CD99L2: variants seen among roughly 807,000 people sequenced by gnomAD.
CD99L2 encodes CD99 antigen-like protein 2.
In CD99L2, 24 loss-of-function variants were observed where a neutral mutation model predicts 27.3. The observed-to-expected ratio is 0.88, with a 90% confidence interval of 0.64 to 1.24. The LOEUF (loss-of-function observed/expected upper bound fraction) is 1.24. Among genes scored for constraint, CD99L2 ranks in the 50% most tolerant of loss-of-function variants. The probability of loss-of-function intolerance (pLI) is 0.00; values close to 1 mark genes in which losing one functional copy is unlikely to be tolerated. For missense variants in CD99L2, 255 were observed against 221.6 expected (o/e 1.15, Z -0.96); for synonymous variants, 97 against 87.9 (o/e 1.10, Z -0.58).
chrX:150,769,110 A>G lies in CD99L2; in HGVS notation c.722-9T>C. On this transcript the variant is annotated splice_polypyrimidine_tract_variant and intron_variant, in intron 10 of 10. Coordinates refer to ENST00000370377, the MANE Select transcript of CD99L2 (RefSeq NM_031462.4). Reference sequence around the variant, plus strand: ...CAACGTGGAGTATTTCACTAGGGGAAAAAGAGGCCGTCAGAAGGAATTCTG... The same window carrying G: ...CAACGTGGAGTATTTCACTAGGGGAGAAAGAGGCCGTCAGAAGGAATTCTG... The G allele has an allele frequency of 8.6e-7, 1 of 1,162,428 alleles. No homozygotes were observed. The highest frequency in any genetic ancestry group is 2.0e-5 in the South Asian group (1 of 49,534).
intron 2 of CD99L2, among the ~76,000 whole-genome samples, chrX:150,821,568 G>A (rs1557420674): frequency 8.9e-6 from 1 of 111,993 alleles, no homozygotes; most frequent in African/African-American, 3.2e-5. Flanking sequence ...AAACATATGG[G>A]TAAATCCTCA....
chrX:150,777,879 G>A (rs1186948888), intron 7 of CD99L2, among the ~76,000 whole-genome samples: 2 of 112,260 alleles, frequency 1.8e-5, no homozygotes, highest in Admixed American at 9.4e-5. Context: ...CCACCACCAC[G>A]GGTCTCTGAC....
chrX:150,806,518 G>A (rs1459015824), intron 4 of CD99L2, among the ~76,000 whole-genome samples: 1 of 112,197 alleles, frequency 8.9e-6, no homozygotes, highest in African/African-American at 3.2e-5. Flanking sequence ...GCAAATGGCT[G>A]GTCTGCAGAG....
At chrX:150,860,388 A>G (rs115060530) in intron 1 of CD99L2, among the ~76,000 whole-genome samples, 2,813 of 112,217 alleles carry the variant, frequency 0.025, 100 homozygotes, top group African/African-American at 0.087. Flanking sequence ...GGCTGAAAGC[A>G]TTTCCTCTAA....
intron 7 of CD99L2, among the ~76,000 whole-genome samples, chrX:150,785,814 T>C (rs1225580604): frequency 5.3e-5 from 6 of 112,443 alleles, no homozygotes; most frequent in Non-Finnish European, 1.1e-4. Context: ...TGCTGTCGTA[T>C]CAGTAACTCA....
intron 7 of CD99L2, among the ~76,000 whole-genome samples, chrX:150,778,933 C>A (rs1423168249): frequency 9.0e-6 from 1 of 111,028 alleles, no homozygotes; most frequent in Non-Finnish European, 1.9e-5. Flanking sequence ...TCACTGTGTG[C>A]AGCCAGATCA....
In CD99L2 at chrX:150,777,427, A is replaced by G. The variant is rs1453265016; in HGVS notation, c.535+17T>C. On this transcript the variant is annotated intron_variant, in intron 8 of 10. Coordinates refer to ENST00000370377, the MANE Select transcript of CD99L2 (RefSeq NM_031462.4). ...CTTTCACATGGCCAACAGGAGCCTCAGGATTCAGAAACCCACCAGATCCAG... is the reference window on the plus strand; with the variant it reads ...CTTTCACATGGCCAACAGGAGCCTCGGGATTCAGAAACCCACCAGATCCAG... The G allele has an allele frequency of 2.3e-5, 28 of 1,211,339 alleles. No individual in the cohort carries two copies. Among genetic ancestry groups the G allele is most frequent in the Non-Finnish European group, 3.1e-5 (28 of 894,999 alleles).
intron 9 of CD99L2, among the ~76,000 whole-genome samples, chrX:150,774,078 C>T (rs1220455428): frequency 8.9e-6 from 1 of 111,855 alleles, no homozygotes; most frequent in East Asian, 2.8e-4. Flanking sequence ...CCACCAGGAC[C>T]TCCCCTGCCA....
intron 4 of CD99L2, among the ~76,000 whole-genome samples, chrX:150,804,158 G>A (rs1223940286): frequency 1.1e-4 from 12 of 111,735 alleles, no homozygotes; most frequent in Non-Finnish European, 2.3e-4. Context: ...TCACATGTTA[G>A]GTCACAGAAA....
chrX:150,834,856 T>C (rs189469685), intron 1 of CD99L2, among the ~76,000 whole-genome samples: 2 of 112,186 alleles, frequency 1.8e-5, no homozygotes, highest in East Asian at 5.6e-4. Context: ...CATTAACAAA[T>C]GAATGGATAA....
intron 2 of CD99L2, among the ~76,000 whole-genome samples, chrX:150,816,979 T>C (rs1363277683): frequency 2.2e-5 from 2 of 91,871 alleles, no homozygotes; most frequent in Non-Finnish European, 4.2e-5. Context: ...TTCTCACTCA[T>C]AGGTGGGAAT....
intron 1 of CD99L2, among the ~76,000 whole-genome samples, chrX:150,832,337 G>A (rs1010499014): frequency 2.7e-5 from 3 of 112,297 alleles, no homozygotes; most frequent in East Asian, 2.8e-4. Context: ...ATCTTGAGAC[G>A]GCCAGGTGCA....
intron 1 of CD99L2, among the ~76,000 whole-genome samples, chrX:150,836,516 G>A (rs1244425009): frequency 9.1e-6 from 1 of 110,492 alleles, no homozygotes; most frequent in Non-Finnish European, 1.9e-5. Flanking sequence ...TGGTAGAGAT[G>A]GGGTTTTTCC....
chrX:150,798,293 A>G (rs2045847263), intron 4 of CD99L2, among the ~76,000 whole-genome samples: 1 of 81,820 alleles, frequency 1.2e-5, no homozygotes, highest in Non-Finnish European at 2.4e-5. Flanking sequence ...GGGAGGGAAG[A>G]AGGGAAGGAA....
intron 1 of CD99L2, among the ~76,000 whole-genome samples, chrX:150,864,954 T>A (rs1213654909): frequency 9.1e-6 from 1 of 109,581 alleles, no homozygotes; most frequent in African/African-American, 3.3e-5. Flanking sequence ...TGGTCCCAGC[T>A]ACTGGAAAAG....
At chrX:150,865,438 G>C (rs1303793619) in intron 1 of CD99L2, among the ~76,000 whole-genome samples, 1 of 112,165 alleles carries the variant, frequency 8.9e-6, no homozygotes, top group Non-Finnish European at 1.9e-5. Context: ...AGGAGTTCAA[G>C]GCTGCAGTGA....
intron 1 of CD99L2, among the ~76,000 whole-genome samples, chrX:150,882,554 A>C (rs1557422526): frequency 9.2e-6 from 1 of 108,256 alleles, no homozygotes. Context: ...GTGAAACCCC[A>C]TCTCTACTAA....
At chrX:150,825,011 T>C (rs2124218846) in intron 2 of CD99L2, among the ~76,000 whole-genome samples, 1 of 112,309 alleles carries the variant, frequency 8.9e-6, no homozygotes, top group African/African-American at 3.2e-5. Flanking sequence ...TGATAACCTG[T>C]AGTCATTATG....
chrX:150,860,999 G>A (rs886073101), intron 1 of CD99L2, among the ~76,000 whole-genome samples: 14 of 108,559 alleles, frequency 1.3e-4, no homozygotes, highest in East Asian at 5.8e-4. Context: ...AAAATTAGCC[G>A]GGTGTGGTGG....
Sources: allele counts gnomAD v4.1 joint callset (sites outside exome capture counted in the v4.1 genomes callset), GRCh38; gene constraint gnomAD v4.1.1; transcripts MANE v1.5; gene names NCBI Gene and HGNC (gene_info 2026-07-23, HGNC 2026-07-21).